Variants in HERC1 observed in about 807,000 individuals in gnomAD.
The protein encoded by HERC1 is probable E3 ubiquitin-protein ligase HERC1.
HERC1 carries 160 observed loss-of-function variants against 554.3 expected under a neutral mutation model. That is an observed-to-expected ratio of 0.29 (90% CI 0.25 to 0.33). HERC1 has a LOEUF of 0.33. Among genes scored for constraint, HERC1 ranks in the 10% least tolerant of loss-of-function variants. The probability of loss-of-function intolerance (pLI) is 1.00; values close to 1 mark genes in which losing one functional copy is unlikely to be tolerated. For synonymous variants in HERC1, 2,175 were observed against 2,131.7 expected (o/e 1.02, Z -0.56); for missense variants, 4,919 against 5,918.5 (o/e 0.83, Z 5.54).
In HERC1 at chr15:63,630,841, C is replaced by A. The variant is rs1288023325; in HGVS notation, c.12797-206G>T. ...GAAGCTGTTTCTCTGCAAAACATCA[C>A]AGGCTCTTTATTCATAAAAATTTTT... On this transcript the variant is annotated intron_variant, in intron 68 of 77. Transcript: ENST00000443617. The A allele has an allele frequency of 1.0e-5, 5 of 486,600 alleles. No individual in the cohort carries two copies. The East Asian group carries it at 1.6e-4, about 16-fold the overall frequency. The allele number at this position is 486,600 out of a possible 1,614,324, so 30.1% of individuals were successfully genotyped here.
At chr15:63,772,134 G>C (rs28549901) in intron 2 of HERC1, among the ~76,000 whole-genome samples, 1 of 151,062 alleles carries the variant, frequency 6.6e-6, no homozygotes, top group African/African-American at 2.4e-5. Flanking sequence ...AAAAAAAAAA[G>C]GGAAAAAGGA....
intron 25 of HERC1, among the ~76,000 whole-genome samples, chr15:63,702,580 A>G (rs971947410): frequency 3.3e-5 from 5 of 152,212 alleles, no homozygotes; most frequent in African/African-American, 1.2e-4. Flanking sequence ...TCGTACAACC[A>G]TAGCAAATCT....
chr15:63,696,635 C>T (rs2072430720), intron 26 of HERC1, among the ~76,000 whole-genome samples: 1 of 152,086 alleles, frequency 6.6e-6, no homozygotes. Flanking sequence ...TTGGGAAAGT[C>T]ACTTAACTTA....
At chr15:63,764,497 T>C (rs2075710046) in intron 2 of HERC1, among the ~76,000 whole-genome samples, 1 of 152,194 alleles carries the variant, frequency 6.6e-6, no homozygotes, top group Non-Finnish European at 1.5e-5. Context: ...TTCTGCCAGT[T>C]ACACACTCTT....
At position 63,677,865 on chromosome 15, in the gene HERC1, A is replaced by T. The variant is rs369323535; in HGVS notation, c.7050T>A (p.Asp2350Glu). 1 of 1,613,620 alleles carries T rather than the reference A, an allele frequency of 6.2e-7. No homozygotes were observed. Among genetic ancestry groups the T allele is most frequent in the Admixed American group, 1.7e-5 (1 of 59,962 alleles). Residue 2350 changes from aspartate (D) to glutamate (E), a missense_variant, in exon 37 of 78, where the codon GAT becomes GAA. This residue lies in a region of HERC1 where 1,963 missense variants were observed against 2,228.6 expected (regional missense o/e 0.88). Transcript: ENST00000443617. This position sits in a 1 kb window ranked among gnomAD's most constrained non-coding sequence, Gnocchi z 4.4. ...CATACCTGATAGTAATTTCTGCTTC[A>T]TCCCATTGGACCTTGGCAGACGTGC... ...EGSTSAKVQWDEAEITISFPT... is the reference protein window; with the variant it reads ...EGSTSAKVQWEEAEITISFPT...
chr15:63,649,552 G>A (rs1362086445), intron 54 of HERC1, among the ~76,000 whole-genome samples, 173 bp downstream of exon 54: 1 of 152,136 alleles, frequency 6.6e-6, no homozygotes, highest in Admixed American at 6.5e-5. Flanking sequence ...TGGGGGCTAG[G>A]AGATAAATAT....
At position 63,810,592 on chromosome 15, in the gene HERC1, C is replaced by T. The variant is rs140372880; in HGVS notation, c.-27+23235G>A. On this transcript the variant is annotated intron_variant, in intron 1 of 77. Coordinates refer to ENST00000443617, the MANE Select transcript of HERC1 (RefSeq NM_003922.4). ...ATCTTTTGCTATAACCTTTTTTATA[C>T]TATGTAAGTTTCTTAACATTTGCAT... Among the ~76,000 whole-genome samples, 40 of 152,046 alleles carry T rather than the reference C, an allele frequency of 2.6e-4. No individual in the cohort carries two copies. The East Asian group carries it at 7.7e-3, about 29-fold the overall frequency.
chr15:63,615,603 C>T (rs1315495775), intron 76 of HERC1, among the ~76,000 whole-genome samples, 165 bp downstream of exon 76: 1 of 152,210 alleles, frequency 6.6e-6, no homozygotes, highest in Non-Finnish European at 1.5e-5. Context: ...GAGTGAGGTG[C>T]TGTCTCAAAA....
At chr15:63,691,753 CTTAGA>C (rs1462541480) in intron 31 of HERC1, among the ~76,000 whole-genome samples, 4 of 151,874 alleles carry the variant, frequency 2.6e-5, no homozygotes, top group Admixed American at 1.3e-4. Context: ...TTTTGGCATA[CTTAGA>C]TTAGAGATTA....
At chr15:63,797,712 G>A (rs2076854480) in intron 1 of HERC1, among the ~76,000 whole-genome samples, 1 of 152,160 alleles carries the variant, frequency 6.6e-6, no homozygotes, top group South Asian at 2.1e-4. Context: ...GCAATGTAGT[G>A]GTCTCTGTTA....
intron 25 of HERC1, among the ~76,000 whole-genome samples, chr15:63,702,141 C>A (rs138563290): frequency 1.3e-3 from 192 of 152,252 alleles, no homozygotes; most frequent in Non-Finnish European, 1.9e-3. Flanking sequence ...AACATGCCAT[C>A]ATGTACTTGC....
At chr15:63,747,967 T>A in intron 10 of HERC1, 109 bp from the exon 11 acceptor site, 1 of 1,083,578 alleles carries the variant, frequency 9.2e-7, no homozygotes, top group Non-Finnish European at 1.3e-6. Context: ...GGCTCATGCC[T>A]GTAATCCTAG....
At chr15:63,633,442 C>T (rs7170198) in intron 67 of HERC1, among the ~76,000 whole-genome samples, 123,892 of 152,142 alleles carry the variant, frequency 0.81, 52,328 homozygotes, top group Non-Finnish European at 0.88. Context: ...GTATTGTTTT[C>T]TTAAAAGGAG....
At chr15:63,610,447 G>A (rs1009760331) in intron 77 of HERC1, among the ~76,000 whole-genome samples, 2 of 152,236 alleles carry the variant, frequency 1.3e-5, no homozygotes, top group Non-Finnish European at 2.9e-5. Context: ...ATTAGTGGTG[G>A]ATTAACTCCT....
intron 1 of HERC1, among the ~76,000 whole-genome samples, chr15:63,804,616 A>G (rs2077084307): frequency 6.6e-6 from 1 of 152,104 alleles, no homozygotes; most frequent in Admixed American, 6.6e-5. Flanking sequence ...AAGAAAATGA[A>G]AAGACTTAGA....
intron 2 of HERC1, among the ~76,000 whole-genome samples, chr15:63,768,936 T>C (rs542729782): frequency 1.4e-4 from 22 of 152,224 alleles, no homozygotes; most frequent in Non-Finnish European, 2.5e-4. Flanking sequence ...TATGTATATA[T>C]ATATTGAGAA....
At chr15:63,754,708 G>C in intron 6 of HERC1, 60 bp from the exon 7 acceptor site, 2 of 1,442,626 alleles carry the variant, frequency 1.4e-6, no homozygotes, top group Non-Finnish European at 1.9e-6. Context: ...TCTAGGCCTT[G>C]ACTTCACAAG....
intron 16 of HERC1, among the ~76,000 whole-genome samples, chr15:63,728,543 T>C (rs1165776311): frequency 1.3e-5 from 2 of 152,296 alleles, no homozygotes; most frequent in African/African-American, 2.4e-5. Context: ...CAGGGGCAGC[T>C]GGTTTTAGAT....
intron 1 of HERC1, among the ~76,000 whole-genome samples, chr15:63,788,051 G>C (rs1319201870): frequency 6.6e-6 from 1 of 151,502 alleles, no homozygotes; most frequent in African/African-American, 2.4e-5. Context: ...GAAAGTTCAA[G>C]TGCATTTAAA....
Sources: allele counts gnomAD v4.1 joint callset (sites outside exome capture counted in the v4.1 genomes callset), GRCh38; gene constraint gnomAD v4.1.1; regional missense constraint gnomAD v4.1.1; non-coding constraint Gnocchi (gnomAD v3.1); transcripts MANE v1.5; gene names NCBI Gene and HGNC (gene_info 2026-07-23, HGNC 2026-07-21).